The following SLC49A3 variants were observed in gnomAD, a reference collection of about 807,000 sequenced individuals.
SLC49A3 encodes solute carrier family 49 member A3.
Under a neutral mutation model 43.8 loss-of-function variants are expected in SLC49A3, and 50 were observed. The observed-to-expected ratio is 1.14, with a 90% CI of 0.91 to 1.45. The LOEUF (loss-of-function observed/expected upper bound fraction) is 1.45, where lower values mean the gene tolerates loss of function less well. Ranked by LOEUF, SLC49A3 falls within the 40% of genes most tolerant of loss-of-function variation. SLC49A3 has a pLI of 0.00. For synonymous variants in SLC49A3, 413 were observed against 352.0 expected (o/e 1.17, Z -1.94); for missense variants, 906 against 774.1 (o/e 1.17, Z -2.02).
chr4:677,846 G>A (rs537182180), downstream of SLC49A3: 3 of 989,284 alleles, frequency 3.0e-6, no homozygotes, highest in Non-Finnish European at 4.7e-6. Flanking sequence ...GCAAGGGTGT[G>A]AGTCACTGCC....
upstream of SLC49A3, among the ~76,000 whole-genome samples, chr4:690,238 C>A (rs1224993005): frequency 6.7e-6 from 1 of 150,284 alleles, no homozygotes; most frequent in African/African-American, 2.5e-5. Context: ...TGTAGAGTCT[C>A]ATCCAGTAAC....
chr4:678,571 T>C, downstream of SLC49A3: 4 of 1,519,796 alleles, frequency 2.6e-6, no homozygotes, highest in Non-Finnish European at 3.5e-6. Flanking sequence ...CCACCCTTCA[T>C]CTGAGTTAAG....
Position 682,394 on chromosome 4 carries a change from A to T in SLC49A3, c.1262-18T>A. 7.5e-7 allele frequency: 1 copy of T among 1,327,942 alleles called. No homozygotes were observed. Among genetic ancestry groups the T allele is most frequent in the Non-Finnish European group, 9.7e-7 (1 of 1,030,818 alleles). The allele number at this position is 1,327,942 out of a possible 1,614,324, so 82.3% of individuals were successfully genotyped here. A position where few individuals can be genotyped will look rare whatever the true frequency, so the allele number is the denominator to read the frequency against. ...CAGAGACACTGGGGACACATAGCACAGCTGTCCCCACAGCCAAGCCCAGGG... is the reference window on the plus strand; with the variant it reads ...CAGAGACACTGGGGACACATAGCACTGCTGTCCCCACAGCCAAGCCCAGGG... On this transcript the variant is annotated intron_variant, in intron 9 of 9. Coordinates refer to ENST00000322224, the MANE Select transcript of SLC49A3 (RefSeq NM_032219.4).
Position 686,616 on chromosome 4 carries a change from C to A in SLC49A3, c.210G>T (p.Trp70Cys). ...DLVLSMEQIN[W>C]LSLVYLVVST... Reference sequence around the variant, plus strand: ...ATACCACGAGGTAGACCAGTGACAGCCAGTTGATCTGCTCCATGGACAGGA... The same window carrying A: ...ATACCACGAGGTAGACCAGTGACAGACAGTTGATCTGCTCCATGGACAGGA... Residue 70 changes from tryptophan (W) to cysteine (C), a missense_variant, in exon 2 of 10, where the codon TGG becomes TGT. By Grantham distance (215) the Trp-to-Cys change is radical. Transcript: ENST00000322224. 6.2e-7 allele frequency: 1 copy of A among 1,613,350 alleles called. No homozygotes were observed. The highest frequency in any genetic ancestry group is 8.5e-7 in the Non-Finnish European group (1 of 1,179,960).
At chr4:680,639 C>T (rs575949561), downstream of SLC49A3, 120 of 1,574,066 alleles carry the variant, frequency 7.6e-5, 2 homozygotes, top group South Asian at 1.3e-3. Context: ...CCCCAGTGAT[C>T]TCATCCTGTC....
downstream of SLC49A3, chr4:681,188 T>C (rs1268382569): frequency 2.5e-6 from 4 of 1,575,056 alleles, no homozygotes; most frequent in Non-Finnish European, 3.4e-6. Context: ...AGGGCGGGGC[T>C]CCCGGGGTCA....
At chr4:676,914 T>C, downstream of SLC49A3, 2 of 985,360 alleles carry the variant, frequency 2.0e-6, no homozygotes, top group Non-Finnish European at 2.4e-6. Flanking sequence ...CCGCTGGACC[T>C]GGGGATGGCA....
chr4:678,893 G>A, downstream of SLC49A3: 1 of 1,609,352 alleles, frequency 6.2e-7, no homozygotes, highest in Middle Eastern at 1.7e-4. Context: ...TGAGGAACCG[G>A]GAGCAGGGGG....
At chr4:690,138 G>A (rs532925353), upstream of SLC49A3, among the ~76,000 whole-genome samples, 1 of 152,228 alleles carries the variant, frequency 6.6e-6, no homozygotes, top group South Asian at 2.1e-4. Context: ...ACAGGCTAAT[G>A]ATGAGGCCCC....
Position 689,134 on chromosome 4 carries a change from C to G in SLC49A3, c.-7G>C. The stretch of plus-strand genomic sequence containing the variant: ...CCTCCGTCGGCCCCGCCATCGTCGG[C>G]GGCCTCCACGGGTCTCCGCCGGTCC... On this transcript the variant is annotated 5_prime_UTR_variant, in exon 1 of 10. Coordinates refer to ENST00000322224, the MANE Select transcript of SLC49A3 (RefSeq NM_032219.4). The G allele has an allele frequency of 7.3e-7, 1 of 1,369,900 alleles. No homozygotes were observed. The highest frequency in any genetic ancestry group is 9.4e-7 in the Non-Finnish European group (1 of 1,068,780). The allele number at this position is 1,369,900 out of a possible 1,614,324, so 84.9% of individuals were successfully genotyped here. A position where few individuals can be genotyped will look rare whatever the true frequency, so the allele number is the denominator to read the frequency against.
At chr4:683,450 G>C in intron 7 of SLC49A3, 83 bp from the exon 8 acceptor site, 9 of 1,531,078 alleles carry the variant, frequency 5.9e-6, no homozygotes, top group Non-Finnish European at 7.9e-6. Context: ...ATGGGACACG[G>C]GGCAGGAGAA....
intron 9 of SLC49A3, 22 bp from the exon 10 acceptor site, chr4:682,398 G>A (rs1412508594): frequency 1.5e-6 from 2 of 1,326,200 alleles, no homozygotes; most frequent in Non-Finnish European, 1.9e-6. Flanking sequence ...TAGCACAGCT[G>A]TCCCCACAGC....
chr4:678,688 G>T (rs375637730), downstream of SLC49A3: 5 of 1,611,142 alleles, frequency 3.1e-6, no homozygotes, highest in Non-Finnish European at 3.4e-6. Flanking sequence ...GAAGGAAGGG[G>T]GTGCCCTCCG....
chr4:681,212 G>A, downstream of SLC49A3: 7 of 1,539,174 alleles, frequency 4.5e-6, no homozygotes. Context: ...GGGTGGAGGG[G>A]GACGCGGAGC....
Position 683,687 on chromosome 4 carries a change from C to T in SLC49A3, c.915G>A (p.Val305=), listed in dbSNP as rs1740351026. The change falls in exon 7 of 10, where the codon GTG becomes GTA. Residue 305 remains valine (V), a synonymous_variant. Transcript: ENST00000322224. ...CCTCAGTGAAGTGCTTGGTCCGGTCCACATAGGGGCCGAGAGCCAGTGCCC... is the reference window on the plus strand; with the variant it reads ...CCTCAGTGAAGTGCTTGGTCCGGTCTACATAGGGGCCGAGAGCCAGTGCCC... The part of the protein sequence containing the change: ...ILGALALGPY[V]DRTKHFTEAT... The T allele has an allele frequency of 6.2e-7, 1 of 1,607,076 alleles. No individual in the cohort carries two copies. The highest frequency in any genetic ancestry group is 2.2e-5 in the East Asian group (1 of 44,704).
At chr4:676,970 A>G (rs2109320025), downstream of SLC49A3, 1 of 975,468 alleles carries the variant, frequency 1.0e-6, no homozygotes, top group Non-Finnish European at 1.2e-6. Flanking sequence ...TGTGTCCCTC[A>G]GGGGGTAGGA....
At chr4:681,210 G>C (rs1184864064), downstream of SLC49A3, 6 of 1,544,396 alleles carry the variant, frequency 3.9e-6, no homozygotes, top group South Asian at 5.9e-5. Context: ...CTGGGTGGAG[G>C]GGGACGCGGA....
Position 682,776 on chromosome 4 carries a change from C to A in SLC49A3, c.1261+5G>T, listed in dbSNP as rs756118886. On this transcript the variant is annotated splice_donor_5th_base_variant and intron_variant, in intron 9 of 9. Transcript: ENST00000322224. ...TTCCCTGGGGACTCCCCATGTGAGG[C>A]TCACCTGTCCAGTCAAGTGGATCCT... 5.9e-5 allele frequency: 93 copies of A among 1,565,210 alleles called. No individual in the cohort carries two copies. Among genetic ancestry groups the A allele is most frequent in the Non-Finnish European group, 7.4e-5 (85 of 1,149,510 alleles).
chr4:690,532 C>T (rs748523865), upstream of SLC49A3, among the ~76,000 whole-genome samples: 8 of 152,234 alleles, frequency 5.3e-5, no homozygotes, highest in Non-Finnish European at 1.0e-4. Context: ...TCAACATCCC[C>T]TAACCCCACC....
Sources: allele counts gnomAD v4.1 joint callset (sites outside exome capture counted in the v4.1 genomes callset), GRCh38; gene constraint gnomAD v4.1.1; transcripts MANE v1.5; gene names NCBI Gene and HGNC (gene_info 2026-07-23, HGNC 2026-07-21).